The following PCSK5 variants were observed in gnomAD, a reference collection of about 807,000 sequenced individuals.
The protein encoded by PCSK5 is proprotein convertase subtilisin/kexin type 5, also known as prohormone convertase 5.
PCSK5 carries 129 observed loss-of-function variants against 233.2 expected under a neutral mutation model. The ratio of observed to expected loss-of-function variants is 0.55; its 90% CI spans 0.48 to 0.64. PCSK5 has a LOEUF of 0.64. Among genes scored for constraint, PCSK5 ranks in the 30% least tolerant of loss-of-function variants. The pLI, the probability that PCSK5 is intolerant of heterozygous loss-of-function variation, is 0.00. For missense variants in PCSK5, 2,076 were observed against 2,430.1 expected (o/e 0.85, Z 3.06); for synonymous variants, 825 against 879.2 (o/e 0.94, Z 1.09).
At chr9:76,067,742 A>G (rs1178858357) in intron 5 of PCSK5, among the ~76,000 whole-genome samples, 3 of 152,224 alleles carry the variant, frequency 2.0e-5, no homozygotes, top group African/African-American at 4.8e-5. Context: ...GGAAAGCAAG[A>G]TATGAAAAAT....
chr9:76,078,317 T>C (rs1303552512), intron 7 of PCSK5, among the ~76,000 whole-genome samples: 5 of 152,218 alleles, frequency 3.3e-5, no homozygotes, highest in African/African-American at 1.2e-4. Flanking sequence ...TCTGTCACAA[T>C]TGCTTTTGAG....
intron 1 of PCSK5, among the ~76,000 whole-genome samples, chr9:75,902,076 T>G (rs1374188207): frequency 6.6e-6 from 1 of 150,396 alleles, no homozygotes; most frequent in Non-Finnish European, 1.5e-5. Context: ...ATTAGCGGGG[T>G]GTGGTGTCGA....
chr9:76,281,264 C>A (rs139073524), intron 24 of PCSK5, among the ~76,000 whole-genome samples: 1 of 152,204 alleles, frequency 6.6e-6, no homozygotes, highest in Non-Finnish European at 1.5e-5. Context: ...GAGAAGTCAA[C>A]GCCTGGCTTC....
At chr9:76,201,224 C>T (rs577239797) in intron 20 of PCSK5, among the ~76,000 whole-genome samples, 1 of 152,298 alleles carries the variant, frequency 6.6e-6, no homozygotes, top group East Asian at 1.9e-4. Context: ...TCTAAACTGT[C>T]ATCACCAGAG....
intron 20 of PCSK5, among the ~76,000 whole-genome samples, chr9:76,226,114 G>A (rs1373371944): frequency 6.6e-6 from 1 of 152,164 alleles, no homozygotes; most frequent in African/African-American, 2.4e-5. Context: ...ACAATGAGGA[G>A]ACATAGAGGA....
rs142588409 is a variant in PCSK5, at chr9:76,249,592, C to A, written c.3142+8908C>A. ...CTTGATTGTGGTTTCTAATACCATT[C>A]TCCAATAAACAATACCAAGGCTCCT... On this transcript the variant is annotated intron_variant, in intron 24 of 37. Coordinates refer to ENST00000674117, the MANE Select transcript of PCSK5 (RefSeq NM_001372043.1). Among the ~76,000 whole-genome samples, 9 of 152,272 alleles carry A rather than the reference C, an allele frequency of 5.9e-5. No individual in the cohort carries two copies. The East Asian group carries it at 1.7e-3, about 29-fold the overall frequency.
intron 7 of PCSK5, among the ~76,000 whole-genome samples, chr9:76,081,805 G>T (rs1434767910): frequency 6.6e-6 from 1 of 152,054 alleles, no homozygotes; most frequent in East Asian, 1.9e-4. Context: ...CTAACCCCGA[G>T]ATTTCTTCCA....
At chr9:75,974,496 G>T (rs965391819) in intron 2 of PCSK5, among the ~76,000 whole-genome samples, 3 of 152,120 alleles carry the variant, frequency 2.0e-5, no homozygotes, top group Non-Finnish European at 2.9e-5. Flanking sequence ...ATTTTTCCCT[G>T]AGGCCGAAAG....
chr9:76,173,495 C>CTTTTTTTTTTTTTTTTTTTT lies in PCSK5; in HGVS notation c.1757-1491_1757-1490insTTTTTTTTTTTTTTTTTTTT, dbSNP rs1587715951. Among the ~76,000 whole-genome samples, 55 of 34,602 alleles carry CTTTTTTTTTTTTTTTTTTTT rather than the reference C, an allele frequency of 1.6e-3. 7 individuals carry two copies. Among genetic ancestry groups the CTTTTTTTTTTTTTTTTTTTT allele is most frequent in the East Asian group, 7.1e-3 (8 of 1,132 alleles). 22.7% of individuals were successfully genotyped at this position (34,602 alleles called of 152,430 possible). A position where few individuals can be genotyped will look rare whatever the true frequency, so the allele number is the denominator to read the frequency against. On this transcript the variant is annotated intron_variant, in intron 13 of 37. Coordinates refer to ENST00000674117, the MANE Select transcript of PCSK5 (RefSeq NM_001372043.1). ...ACTTTAATGAAATGGAGGCACGTTT[C>CTTTTTTTTTTTTTTTTTTTT]CTTTTTTTTTTTTTTTTTTTTTTTT... is the stretch of plus-strand genomic sequence containing the variant.
chr9:76,088,953 TTTACA>T (rs1170641047), intron 7 of PCSK5, among the ~76,000 whole-genome samples: 6 of 151,578 alleles, frequency 4.0e-5, no homozygotes, highest in South Asian at 4.2e-4. Context: ...TTTTTTGGTC[TTTACA>T]TTATGTTTCT....
intron 27 of PCSK5, among the ~76,000 whole-genome samples, chr9:76,297,522 G>A (rs970682355): frequency 1.3e-5 from 2 of 152,084 alleles, no homozygotes; most frequent in African/African-American, 4.8e-5. Context: ...ATTCCTCCCC[G>A]AGTCTTTAGA....
intron 24 of PCSK5, among the ~76,000 whole-genome samples, chr9:76,247,898 C>T (rs13286622): frequency 0.082 from 12,509 of 152,006 alleles, 681 homozygotes; most frequent in Admixed American, 0.13. Flanking sequence ...AATTCTCCTG[C>T]CTCAGCCTCC....
chr9:76,069,069 C>G (rs1830388636), intron 6 of PCSK5, among the ~76,000 whole-genome samples: 1 of 152,108 alleles, frequency 6.6e-6, no homozygotes, highest in South Asian at 2.1e-4. Context: ...TGCATTTGAC[C>G]TCTTTCTTTC....
chr9:76,330,753 C>T (rs1829509089), intron 33 of PCSK5, among the ~76,000 whole-genome samples: 1 of 152,100 alleles, frequency 6.6e-6, no homozygotes, highest in African/African-American at 2.4e-5. Flanking sequence ...GATCACTTCA[C>T]AATAGAAAAC....
At chr9:76,283,311 T>C (rs1845637) in intron 24 of PCSK5, among the ~76,000 whole-genome samples, 144,930 of 152,240 alleles carry the variant, frequency 0.95, 69,076 homozygotes, top group East Asian at 1. Flanking sequence ...ATCAACGTGG[T>C]AAACTTCATT....
At chr9:75,932,341 C>T (rs762989801) in intron 1 of PCSK5, 38 bp from the exon 2 acceptor site, 2 of 1,269,400 alleles carry the variant, frequency 1.6e-6, no homozygotes, top group Non-Finnish European at 2.3e-6. Flanking sequence ...ACATTAATGT[C>T]TTTTTTTTGT....
At chr9:76,175,405 A>T in intron 14 of PCSK5, 1 of 452,316 alleles carries the variant, frequency 2.2e-6, no homozygotes, top group Non-Finnish European at 3.9e-6. Context: ...ATATCAGTGC[A>T]CTCATATATT....
intron 3 of PCSK5, among the ~76,000 whole-genome samples, chr9:76,022,538 T>A (rs1305746038): frequency 1.3e-5 from 2 of 152,212 alleles, no homozygotes; most frequent in African/African-American, 4.8e-5. Flanking sequence ...TCTCCTCTTT[T>A]GTTCCTCTCC....
At chr9:76,311,778 T>G (rs1193482577) in intron 30 of PCSK5, among the ~76,000 whole-genome samples, 3 of 152,030 alleles carry the variant, frequency 2.0e-5, no homozygotes, top group Non-Finnish European at 4.4e-5. Context: ...CAAAGTCTGG[T>G]TTTTCTGTTT....
Sources: allele counts gnomAD v4.1 joint callset (sites outside exome capture counted in the v4.1 genomes callset), GRCh38; gene constraint gnomAD v4.1.1; transcripts MANE v1.5; gene names NCBI Gene and HGNC (gene_info 2026-07-23, HGNC 2026-07-21).